ZNF385D: variants seen among roughly 807,000 people sequenced by gnomAD.
The protein encoded by ZNF385D is zinc finger protein 659.
A neutral mutation model predicts 35.8 loss-of-function variants in ZNF385D; 15 were observed. The ratio of observed to expected loss-of-function variants is 0.42; its 90% CI spans 0.28 to 0.64. The LOEUF is 0.64. Among genes scored for constraint, ZNF385D ranks in the 30% least tolerant of loss-of-function variants. ZNF385D has a pLI of 0.23. For missense variants in ZNF385D, 474 were observed against 494.6 expected (o/e 0.96, Z 0.39); for synonymous variants, 212 against 186.8 (o/e 1.13, Z -1.10).
rs940979567 is a variant in ZNF385D, at chr3:21,414,909, A to C, written c.*6305T>G. The C allele has an allele frequency of 6.6e-6, 1 of 152,084 alleles. No homozygotes were observed. The highest frequency in any genetic ancestry group is 2.4e-5 in the African/African-American group (1 of 41,418). The allele number at this position is 152,084 out of a possible 1,614,324, so 9.4% of individuals were successfully genotyped here. A position where few individuals can be genotyped will look rare whatever the true frequency, so the allele number is the denominator to read the frequency against. On this transcript the variant is annotated 3_prime_UTR_variant, in exon 8 of 8. Transcript: ENST00000281523. ...CTCAATTCCTTTTTCATCTCTACTA[A>C]TGTTAGCATAACATCATAAGAGACA...
At chr3:22,318,872 G>A (rs186171948) in intron 2 of ZNF385D, among the ~76,000 whole-genome samples, 8 of 152,190 alleles carry the variant, frequency 5.3e-5, no homozygotes, top group South Asian at 4.1e-4. Flanking sequence ...ATTGGAAATC[G>A]GAAAATCAAA....
intron 3 of ZNF385D, among the ~76,000 whole-genome samples, chr3:22,078,535 A>C (rs1700581915): frequency 6.6e-6 from 1 of 152,072 alleles, no homozygotes; most frequent in Non-Finnish European, 1.5e-5. Context: ...ATTTTGCAAC[A>C]CTGTATGAAG....
At chr3:21,662,318 T>A (rs771946500) in intron 2 of ZNF385D, among the ~76,000 whole-genome samples, 1 of 152,100 alleles carries the variant, frequency 6.6e-6, no homozygotes, top group Non-Finnish European at 1.5e-5. Context: ...AATAACTTGA[T>A]GATCAGAGGA....
intron 3 of ZNF385D, among the ~76,000 whole-genome samples, chr3:21,775,022 C>T (rs1379114572): frequency 1.3e-5 from 2 of 151,800 alleles, no homozygotes; most frequent in African/African-American, 4.8e-5. Flanking sequence ...ACCAACACAT[C>T]AATTTCATGG....
At chr3:21,498,095 T>C (rs1251285260) in intron 4 of ZNF385D, among the ~76,000 whole-genome samples, 1 of 151,582 alleles carries the variant, frequency 6.6e-6, no homozygotes, top group Non-Finnish European at 1.5e-5. Flanking sequence ...TTCAACAAAA[T>C]AAACAAAAAC....
At position 21,721,170 on chromosome 3, in the gene ZNF385D, C is replaced by A. The variant is rs13077481; in HGVS notation, c.22+29725G>T. 2.0e-5 allele frequency among the ~76,000 whole-genome samples: 3 copies of A among 152,074 alleles called. No individual in the cohort carries two copies. The South Asian group carries it at 6.2e-4, about 32-fold the overall frequency. ...TGACTTTGCCCCCTCCATTGCTATA[C>A]TGGTTGTCTATGAGTCCCCTAAAAG... is the stretch of plus-strand genomic sequence containing the variant. On this transcript the variant is annotated intron_variant, in intron 1 of 7. Coordinates refer to ENST00000281523, the MANE Select transcript of ZNF385D (RefSeq NM_024697.3).
chr3:22,200,900 A>C (rs1031450167), intron 2 of ZNF385D, among the ~76,000 whole-genome samples: 5 of 152,144 alleles, frequency 3.3e-5, no homozygotes, highest in Admixed American at 2.0e-4. Context: ...GTGTAAGGTT[A>C]TCTCTCTTGT....
intron 1 of ZNF385D, among the ~76,000 whole-genome samples, chr3:21,693,280 G>A (rs2067344423): frequency 6.6e-6 from 1 of 152,168 alleles, no homozygotes; most frequent in East Asian, 1.9e-4. Context: ...GTGTCTGAGT[G>A]GAAGCTTCTG....
intron 1 of ZNF385D, among the ~76,000 whole-genome samples, chr3:21,712,109 G>A (rs371714591): frequency 1.7e-4 from 25 of 149,226 alleles, no homozygotes; most frequent in African/African-American, 6.0e-4. Context: ...CCTTTCCCTC[G>A]ATGGCAATAG....
At chr3:22,324,591 G>T (rs1390887719) in intron 2 of ZNF385D, among the ~76,000 whole-genome samples, 1 of 152,092 alleles carries the variant, frequency 6.6e-6, no homozygotes, top group African/African-American at 2.4e-5. Flanking sequence ...TTTTCAGCAT[G>T]CTAAAGATTT....
In ZNF385D at chr3:21,767,312, C is replaced by T. The variant is rs954832017; in HGVS notation, c.326-102284G>A. 2.0e-5 allele frequency among the ~76,000 whole-genome samples: 3 copies of T among 152,022 alleles called. 1 individual carries two copies. In the Middle Eastern group the frequency reaches 0.01, roughly 517 times the overall value. Reference sequence around the variant, plus strand: ...TAGCTCAACTGCCACTTGTCTTTGACAAATTTTACTCATTCTTTCTCCTTT... The same window carrying T: ...TAGCTCAACTGCCACTTGTCTTTGATAAATTTTACTCATTCTTTCTCCTTT... On this transcript the variant is annotated intron_variant, in intron 3 of 5. Transcript: ENST00000494108.
intron 3 of ZNF385D, among the ~76,000 whole-genome samples, chr3:22,167,712 C>A (rs1576434746): frequency 6.6e-6 from 1 of 152,198 alleles, no homozygotes; most frequent in Admixed American, 6.5e-5. Flanking sequence ...CAAAAGTGAT[C>A]AAGAAATGTC....
chr3:21,545,343 T>C (rs948848218), intron 3 of ZNF385D, among the ~76,000 whole-genome samples: 2 of 152,228 alleles, frequency 1.3e-5, no homozygotes, highest in African/African-American at 4.8e-5. Flanking sequence ...TGCTCGTGAA[T>C]ATCAAGCAAA....
chr3:22,265,142 A>C (rs561590562), intron 2 of ZNF385D, among the ~76,000 whole-genome samples: 1 of 151,996 alleles, frequency 6.6e-6, no homozygotes, highest in Admixed American at 6.6e-5. Context: ...AGTGAAGAAA[A>C]CAAGCATTAA....
In ZNF385D at chr3:21,962,491, C is replaced by T. The variant is rs1281046441; in HGVS notation, c.325+206326G>A. 2.0e-5 allele frequency among the ~76,000 whole-genome samples: 3 copies of T among 152,264 alleles called. No homozygotes were observed. The East Asian group carries it at 5.8e-4, about 29-fold the overall frequency. On this transcript the variant is annotated intron_variant, in intron 3 of 5. Transcript: ENST00000494108. ...TGTCAAGCAGGCAGCTTAGAAATAG[C>T]ACATTATGTTCACAAAAAAGGTTTG...
chr3:21,723,048 G>A (rs1320341092), intron 1 of ZNF385D, among the ~76,000 whole-genome samples: 1 of 152,030 alleles, frequency 6.6e-6, no homozygotes, highest in Non-Finnish European at 1.5e-5. Context: ...CTCATGTTAG[G>A]CCCCAGGCAG....
chr3:21,621,778 T>G (rs915612675), intron 2 of ZNF385D, among the ~76,000 whole-genome samples: 1 of 151,760 alleles, frequency 6.6e-6, no homozygotes, highest in Non-Finnish European at 1.5e-5. Flanking sequence ...TTGGCTGCTC[T>G]TATCACAAAA....
chr3:21,464,175 G>C (rs889423715), intron 4 of ZNF385D, among the ~76,000 whole-genome samples: 1 of 152,086 alleles, frequency 6.6e-6, no homozygotes, highest in African/African-American at 2.4e-5. Flanking sequence ...TGTAAAGTAG[G>C]CTTTTGAGAA....
intron 3 of ZNF385D, among the ~76,000 whole-genome samples, chr3:22,136,711 T>C (rs150211361): frequency 6.6e-6 from 1 of 152,124 alleles, no homozygotes. Context: ...GGAGTATGGA[T>C]AAGCAAATTG....
Sources: allele counts gnomAD v4.1 joint callset (sites outside exome capture counted in the v4.1 genomes callset), GRCh38; gene constraint gnomAD v4.1.1; transcripts MANE v1.5; gene names NCBI Gene and HGNC (gene_info 2026-07-23, HGNC 2026-07-21).